The following POLR2D variants were observed in gnomAD, a reference collection of about 807,000 sequenced individuals.
POLR2D encodes the protein RNA polymerase II subunit D.
A neutral mutation model predicts 17.6 loss-of-function variants in POLR2D; 10 were observed. The ratio of observed to expected loss-of-function variants is 0.57; its 90% CI spans 0.35 to 0.96. The LOEUF (loss-of-function observed/expected upper bound fraction) is 0.96. Among genes scored for constraint, POLR2D ranks in the 40% least tolerant of loss-of-function variants. The pLI is 0.02. For missense variants in POLR2D, 126 were observed against 176.4 expected (o/e 0.71, Z 1.62); for synonymous variants, 52 against 60.2 (o/e 0.86, Z 0.63).
intron 3 of POLR2D, among the ~76,000 whole-genome samples, chr2:127,849,753 A>G (rs368854428): frequency 2.0e-5 from 3 of 152,192 alleles, no homozygotes; most frequent in African/African-American, 7.2e-5. Flanking sequence ...TATCATTAGC[A>G]GTGGAGCATG....
rs145791963 is a variant in POLR2D, at chr2:127,850,609, A to C, written c.331T>G (p.Ser111Ala). Residue 111 changes from serine to alanine, a missense_variant, in exon 3 of 4, where the codon TCC becomes GCC. Physicochemically the swap from Ser to Ala is moderately conservative, Grantham distance 99. Around this residue, in one of 2 missense-constraint regions of POLR2D, gnomAD observed 85 missense variants for 151.4 expected, o/e 0.56. Coordinates refer to ENST00000272645, the MANE Select transcript of POLR2D (RefSeq NM_004805.4). The part of the protein sequence containing the change: ...ANLCPETAEE[S>A]KALIPSLEGR... Reference sequence around the variant, plus strand: ...ACTAACCTTGGGATTAGAGCCTTGGACTCCTCAGCAGTCTCTGGGCAAAGG... The same window carrying C: ...ACTAACCTTGGGATTAGAGCCTTGGCCTCCTCAGCAGTCTCTGGGCAAAGG... 7.1e-5 allele frequency: 110 copies of C among 1,554,262 alleles called. No individual in the cohort carries two copies. The African/African-American group carries it at 9.8e-4, about 14-fold the overall frequency.
rs1455645781 is a variant in POLR2D, at chr2:127,845,457, CCT to C, written c.*2648_*2649del. 4 of 149,840 alleles carry C rather than the reference CCT, an allele frequency of 2.7e-5. No individual in the cohort carries two copies. Among genetic ancestry groups the C allele is most frequent in the African/African-American group, 4.9e-5 (2 of 40,590 alleles). The allele number at this position is 149,840 out of a possible 1,614,324, so 9.3% of individuals were successfully genotyped here. On this transcript the variant is annotated 3_prime_UTR_variant, in exon 4 of 4. Coordinates refer to ENST00000272645, the MANE Select transcript of POLR2D (RefSeq NM_004805.4). ...ATGGTGCAATCTTGGCTCGCCACCC[CCT>C]CTGCCTCCCAGGTTCAAGCAATTCT...
At chr2:127,855,363 A>G (rs1690310640) in intron 1 of POLR2D, among the ~76,000 whole-genome samples, 1 of 146,210 alleles carries the variant, frequency 6.8e-6, no homozygotes, top group Admixed American at 7.0e-5. Context: ...ACTGCACTCC[A>G]GCCTAAGGCA....
chr2:127,848,159 T>TC lies in POLR2D; in HGVS notation c.376dup (p.Glu126GlyfsTer7). On this transcript the variant is annotated frameshift_variant, in exon 4 of 4. Transcript: ENST00000272645. LOFTEE classifies it high-confidence loss of function. ...GATATCATCAAGAATCTGCTGCAGC[T>TC]CCTCATCTTCAAACCGTCCCTCCAA... 6.2e-7 allele frequency: 1 copy of TC among 1,612,184 alleles called. No homozygotes were observed. The highest frequency in any genetic ancestry group is 8.5e-7 in the Non-Finnish European group (1 of 1,178,730).
At position 127,850,686 on chromosome 2, in the gene POLR2D, CT is replaced by C; in HGVS notation, c.255-2del. ...ATGAAGCTTTTTCTGGAGTAGCAAG[CT>C]AATCAAAAGGAAAAAAAAAAAATCA... On this transcript the variant is annotated splice_acceptor_variant, in intron 2 of 3. Coordinates refer to ENST00000272645, the MANE Select transcript of POLR2D (RefSeq NM_004805.4). LOFTEE classifies it high-confidence loss of function. 7.0e-7 allele frequency: 1 copy of C among 1,427,882 alleles called. No individual in the cohort carries two copies. Among genetic ancestry groups the C allele is most frequent in the Non-Finnish European group, 9.5e-7 (1 of 1,050,520 alleles). The allele number at this position is 1,427,882 out of a possible 1,614,324, so 88.5% of individuals were successfully genotyped here.
chr2:127,854,814 A>G (rs1690302756), intron 1 of POLR2D, among the ~76,000 whole-genome samples: 1 of 152,120 alleles, frequency 6.6e-6, no homozygotes, highest in East Asian at 1.9e-4. Context: ...AGCCTATAAC[A>G]GGGGATTTAC....
chr2:127,851,215 C>G (rs1292250446), intron 2 of POLR2D, among the ~76,000 whole-genome samples: 5 of 151,908 alleles, frequency 3.3e-5, no homozygotes, highest in Non-Finnish European at 7.4e-5. Flanking sequence ...GACTCCGTCT[C>G]AAAACAGACA....
At chr2:127,851,222 GACAA>G (rs774273709) in intron 2 of POLR2D, among the ~76,000 whole-genome samples, 58 of 151,658 alleles carry the variant, frequency 3.8e-4, no homozygotes, top group Admixed American at 6.6e-4. Flanking sequence ...TCTCAAAACA[GACAA>G]ACAAACAAAC....
At chr2:127,851,218 AACAG>A (rs1690247652) in intron 2 of POLR2D, among the ~76,000 whole-genome samples, 1 of 152,016 alleles carries the variant, frequency 6.6e-6, no homozygotes. Flanking sequence ...TCCGTCTCAA[AACAG>A]ACAAACAAAC....
intron 1 of POLR2D, among the ~76,000 whole-genome samples, chr2:127,855,298 CAGG>C (rs1377260683): frequency 6.2e-5 from 9 of 145,996 alleles, no homozygotes; most frequent in East Asian, 2.0e-4. Flanking sequence ...GAGGCCGAGG[CAGG>C]AGAATTGCTT....
At chr2:127,851,715 A>C (rs981903997) in intron 2 of POLR2D, among the ~76,000 whole-genome samples, 2 of 152,226 alleles carry the variant, frequency 1.3e-5, no homozygotes, top group African/African-American at 4.8e-5. Flanking sequence ...TATGTACCTC[A>C]TACATAGGTA....
rs1232032702 is a variant in POLR2D, at chr2:127,845,406, G to A, written c.*2701C>T. On this transcript the variant is annotated 3_prime_UTR_variant, in exon 4 of 4. Coordinates refer to ENST00000272645, the MANE Select transcript of POLR2D (RefSeq NM_004805.4). ...TTTTTTTTTTTTTTGAGACAGTTTC[G>A]CTCTTGTTGCCTAGGCTGGAGTACA... 1 of 108,984 alleles carries A rather than the reference G, an allele frequency of 9.2e-6. No homozygotes were observed. Among genetic ancestry groups the A allele is most frequent in the Non-Finnish European group, 1.7e-5 (1 of 57,236 alleles). The allele number at this position is 108,984 out of a possible 1,614,324, so 6.8% of individuals were successfully genotyped here.
At position 127,845,735 on chromosome 2, in the gene POLR2D, T is replaced by C. The variant is rs1196956327; in HGVS notation, c.*2372A>G. 1 of 152,204 alleles carries C rather than the reference T, an allele frequency of 6.6e-6. No homozygotes were observed. Among genetic ancestry groups the C allele is most frequent in the African/African-American group, 2.4e-5 (1 of 41,454 alleles). The allele number at this position is 152,204 out of a possible 1,614,324, so 9.4% of individuals were successfully genotyped here. On this transcript the variant is annotated 3_prime_UTR_variant, in exon 4 of 4. Coordinates refer to ENST00000272645, the MANE Select transcript of POLR2D (RefSeq NM_004805.4). ...TTGGTAGGCTAACAAATTCTTGCACTAATTTCTATGAAGCAAGCTGACTTA... is the reference window on the plus strand; with the variant it reads ...TTGGTAGGCTAACAAATTCTTGCACCAATTTCTATGAAGCAAGCTGACTTA...
At chr2:127,851,749 A>G (rs1690255850) in intron 2 of POLR2D, among the ~76,000 whole-genome samples, 1 of 152,130 alleles carries the variant, frequency 6.6e-6, no homozygotes, top group Non-Finnish European at 1.5e-5. Flanking sequence ...CTATCTATCT[A>G]TCTATCTATA....
chr2:127,848,274 C>T, intron 3 of POLR2D, 89 bp from the exon 4 acceptor site: 1 of 715,380 alleles, frequency 1.4e-6, no homozygotes, highest in Non-Finnish European at 2.4e-6. Context: ...CTGCCCACAT[C>T]TCTAACACCT....
intron 3 of POLR2D, among the ~76,000 whole-genome samples, chr2:127,849,132 C>A (rs919887584): frequency 1.3e-5 from 2 of 152,012 alleles, no homozygotes; most frequent in Admixed American, 6.6e-5. Context: ...GCAACCATCA[C>A]CTCTCGGGTT....
rs367564896 is a variant in POLR2D, at chr2:127,852,642, G to A, written c.254+283C>T. Among the ~76,000 whole-genome samples the A allele has an allele frequency of 2.1e-4, 32 of 152,196 alleles. No individual in the cohort carries two copies. The highest frequency in any genetic ancestry group is 1.4e-3 in the East Asian group (7 of 5,182). ...CAGATTCAAGCGATTCTCCCGCCTC[G>A]GCCTCCTGAGCAGCTAGGATTAATG... On this transcript the variant is annotated intron_variant, in intron 2 of 3. Coordinates refer to ENST00000272645, the MANE Select transcript of POLR2D (RefSeq NM_004805.4). The surrounding 1 kb of genome is among the most constrained non-coding windows in gnomAD (Gnocchi z 4.0).
intron 2 of POLR2D, among the ~76,000 whole-genome samples, chr2:127,851,090 G>A (rs1223172368): frequency 2.6e-5 from 4 of 151,966 alleles, no homozygotes; most frequent in African/African-American, 4.8e-5. Flanking sequence ...GTGCAGTGGC[G>A]GGCTACTCCC....
In POLR2D at chr2:127,850,907, G is replaced by A. The variant is rs1465989022; in HGVS notation, c.255-222C>T. ...TCGAGACCAGCCTGAGCACCATGGC[G>A]AAACCCCGTCTCTACTAAAAATACA... On this transcript the variant is annotated intron_variant, in intron 2 of 3. Coordinates refer to ENST00000272645, the MANE Select transcript of POLR2D (RefSeq NM_004805.4). Among the ~76,000 whole-genome samples the A allele has an allele frequency of 2.0e-5, 3 of 152,152 alleles. No homozygotes were observed. In the East Asian group the frequency reaches 5.8e-4, roughly 29 times the overall value.
Sources: gnomAD v4.1 joint callset for allele counts (sites outside exome capture counted in the v4.1 genomes callset) on GRCh38, gnomAD v4.1.1 for gene constraint, gnomAD v4.1.1 regional missense constraint, Gnocchi (gnomAD v3.1) non-coding constraint, MANE v1.5 for transcripts, NCBI Gene and HGNC (gene_info 2026-07-23, HGNC 2026-07-21) for gene names.